Variants in TET3 observed in about 807,000 individuals in gnomAD.
The protein encoded by TET3 is methylcytosine dioxygenase TET3.
A neutral mutation model predicts 141.4 loss-of-function variants in TET3; 19 were observed. That is an observed-to-expected ratio of 0.13 (90% CI 0.09 to 0.20). TET3 has a LOEUF of 0.20. Ranked by LOEUF, TET3 falls within the 10% of genes least tolerant of loss-of-function variation. The pLI, the probability that TET3 is intolerant of heterozygous loss-of-function variation, is 1.00. For missense variants in TET3, 1,874 were observed against 2,356.9 expected (o/e 0.80, Z 4.24); for synonymous variants, 1,043 against 980.9 (o/e 1.06, Z -1.18).
Position 74,099,361 on chromosome 2 carries a change from TG to T in TET3, c.3355del (p.Ala1119ProfsTer63). 6.2e-7 allele frequency: 1 copy of T among 1,613,830 alleles called. No individual in the cohort carries two copies. The highest frequency in any genetic ancestry group is 8.5e-7 in the Non-Finnish European group (1 of 1,179,850). The stretch of plus-strand genomic sequence containing the variant: ...CTGCATGTTCTCCCCCTGTACAAGA[TG>T]GCCAACACGGATGAGTTTGGTAGCG... The part of the protein sequence containing the change: ...EQLHVLPLYK[M>X]ANTDEFGSEE... On this transcript the variant is annotated frameshift_variant, in exon 11 of 12. Coordinates refer to ENST00000409262, the MANE Select transcript of TET3 (RefSeq NM_001287491.2). LOFTEE classifies it high-confidence loss of function.
chr2:74,098,594 C>CTTTTTTTT (rs201277726), intron 10 of TET3, among the ~76,000 whole-genome samples: 1 of 130,578 alleles, frequency 7.7e-6, no homozygotes, highest in Non-Finnish European at 1.5e-5. Flanking sequence ...AAAAAGGAAA[C>CTTTTTTTT]TCTTTTTTTT....
chr2:74,111,865 C>T (rs1475860038), downstream of TET3, among the ~76,000 whole-genome samples: 1 of 152,176 alleles, frequency 6.6e-6, no homozygotes, highest in Non-Finnish European at 1.5e-5. Context: ...GGGACATTGT[C>T]CTCACTGGTG....
chr2:74,062,204 C>T (rs903585696), intron 4 of TET3, among the ~76,000 whole-genome samples: 16 of 152,312 alleles, frequency 1.1e-4, no homozygotes, highest in African/African-American at 2.6e-4. Context: ...GGATCACTCG[C>T]GGTTAGGAGC....
At chr2:74,062,789 G>A (rs1688666196) in intron 4 of TET3, among the ~76,000 whole-genome samples, 1 of 151,746 alleles carries the variant, frequency 6.6e-6, no homozygotes, top group Non-Finnish European at 1.5e-5. Flanking sequence ...GCATTAAACA[G>A]CACCAAGAAG....
At chr2:74,025,802 A>AT (rs896560300) in intron 3 of TET3, among the ~76,000 whole-genome samples, 1 of 152,018 alleles carries the variant, frequency 6.6e-6, no homozygotes, top group African/African-American at 2.4e-5. Flanking sequence ...TTTTCCTGAT[A>AT]TTTTTAAAGA....
At chr2:74,003,252 C>G in intron 3 of TET3, 86 bp downstream of exon 3, 1 of 1,516,172 alleles carries the variant, frequency 6.6e-7, no homozygotes, top group African/African-American at 1.4e-5. Context: ...TAAAGGGTCT[C>G]CTCTGGTGAT....
chr2:74,055,245 C>T (rs1429656324), intron 4 of TET3, among the ~76,000 whole-genome samples: 4 of 152,166 alleles, frequency 2.6e-5, no homozygotes, highest in African/African-American at 9.7e-5. Flanking sequence ...AAGCCTATGG[C>T]AAGTACCCTT....
intron 3 of TET3, among the ~76,000 whole-genome samples, chr2:74,013,338 C>T (rs972386472): frequency 3.9e-5 from 6 of 152,074 alleles, no homozygotes; most frequent in South Asian, 2.1e-4. Flanking sequence ...GATTTATTAA[C>T]ATAGGAGTTT....
intron 3 of TET3, among the ~76,000 whole-genome samples, chr2:74,031,314 G>A (rs1344530878): frequency 6.6e-6 from 1 of 152,122 alleles, no homozygotes; most frequent in African/African-American, 2.4e-5. Context: ...GTGATCTGCT[G>A]CCACAGACAG....
At chr2:74,114,740 G>A in the TET3 span, among the ~76,000 whole-genome samples, 2 of 151,242 alleles carry the variant, frequency 1.3e-5, no homozygotes, top group East Asian at 3.9e-4. Flanking sequence ...TGTAATCCCA[G>A]CTACTCAGGA....
the TET3 span, among the ~76,000 whole-genome samples, chr2:74,113,243 G>A: frequency 2.6e-4 from 40 of 151,884 alleles, no homozygotes; most frequent in African/African-American, 7.7e-4. Flanking sequence ...AAAATTAGCC[G>A]GGCATGGTGG....
intron 4 of TET3, among the ~76,000 whole-genome samples, chr2:74,066,303 A>G (rs1221947785): frequency 1.3e-5 from 2 of 152,174 alleles, no homozygotes; most frequent in Non-Finnish European, 2.9e-5. Flanking sequence ...AGGATCCTTT[A>G]AGTACCGTAT....
At chr2:74,032,442 GGTGTGTCTCTGTGTGTGTGTGT>G (rs1295713118) in intron 3 of TET3, among the ~76,000 whole-genome samples, 22 of 94,860 alleles carry the variant, frequency 2.3e-4, no homozygotes, top group African/African-American at 4.1e-4. Context: ...CTGCAAGAGG[GGTGTGTCTCTGTGTGTGTGTGT>G]GTGTGTGTGT....
chr2:74,023,813 T>C (rs1686196895), intron 3 of TET3, among the ~76,000 whole-genome samples: 1 of 152,250 alleles, frequency 6.6e-6, no homozygotes, highest in South Asian at 2.1e-4. Context: ...ATTTCTAATA[T>C]TTGTTTTTTT....
intron 2 of TET3, chr2:73,998,393 T>C (rs1273701861): frequency 6.6e-6 from 1 of 152,372 alleles, no homozygotes; most frequent in East Asian, 1.9e-4. Flanking sequence ...CCTATCAGCC[T>C]GGGAGGCCCT....
chr2:73,994,638 C>T lies in TET3; in HGVS notation c.303+7932C>T, dbSNP rs4853001. Among the ~76,000 whole-genome samples the T allele has an allele frequency of 3.3e-3, 320 of 96,666 alleles. 2 individuals are homozygous for T. The highest frequency in any genetic ancestry group is 0.015 in the African/African-American group (248 of 16,770). The allele number at this position is 96,666 out of a possible 152,430, so 63.4% of individuals were successfully genotyped here. ...TTTTTCTTTCTTTCTTTCTTTCTTTCTTTTTTTTTTTTTTTTTTGATACGG... is the reference window on the plus strand; with the variant it reads ...TTTTTCTTTCTTTCTTTCTTTCTTTTTTTTTTTTTTTTTTTTTTGATACGG... On this transcript the variant is annotated intron_variant, in intron 2 of 11. Transcript: ENST00000409262.
chr2:74,086,598 A>G (rs2104049860), intron 6 of TET3, among the ~76,000 whole-genome samples: 1 of 151,990 alleles, frequency 6.6e-6, no homozygotes, highest in Non-Finnish European at 1.5e-5. Context: ...AGACCAGCCT[A>G]GACAACATAG....
chr2:74,049,447 A>G (rs1012549701), intron 4 of TET3, among the ~76,000 whole-genome samples: 8 of 152,132 alleles, frequency 5.3e-5, no homozygotes, highest in East Asian at 1.9e-4. Context: ...CCACTCCCCA[A>G]TAAGCATACT....
In TET3 at chr2:74,087,904, C is replaced by T. The variant is rs72818004; in HGVS notation, c.2754C>T (p.Asn918=). The stretch of plus-strand genomic sequence containing the variant: ...ACCGGGCAGGCCACCACTGCCAGAA[C>T]GCTGTGATCGTCATCCTCATCCTGG... ...VRHRAGHHCQ[N]AVIVILILAW... is the part of the protein sequence containing the mutation. The change falls in exon 7 of 12, where the codon AAC becomes AAT. Residue 918 remains asparagine (N), a synonymous_variant. Coordinates refer to ENST00000409262, the MANE Select transcript of TET3 (RefSeq NM_001287491.2). The surrounding 1 kb of genome is among the most constrained non-coding windows in gnomAD (Gnocchi z 4.3). The T allele has an allele frequency of 1.6e-3, 2,458 of 1,551,958 alleles. 4 individuals carry two copies. The highest frequency in any genetic ancestry group is 2.0e-3 in the Non-Finnish European group (2,267 of 1,147,124).
Sources: allele counts gnomAD v4.1 joint callset (sites outside exome capture counted in the v4.1 genomes callset), GRCh38; gene constraint gnomAD v4.1.1; non-coding constraint Gnocchi (gnomAD v3.1); transcripts MANE v1.5; gene names NCBI Gene and HGNC (gene_info 2026-07-23, HGNC 2026-07-21).